The following CADM2 variants were observed in gnomAD, a reference collection of about 807,000 sequenced individuals.
CADM2 encodes the protein cell adhesion molecule 2.
In CADM2, 12 loss-of-function variants were observed where a neutral mutation model predicts 49.8. The observed-to-expected ratio is 0.24, with a 90% CI of 0.15 to 0.39. CADM2 has a LOEUF of 0.39. CADM2 is among the 10% of genes least tolerant of loss of function. CADM2 has a pLI of 1.00. For synonymous variants in CADM2, 214 were observed against 175.4 expected, an observed-to-expected ratio of 1.22 and a Z score of -1.74; for missense variants, 378 against 492.3, an observed-to-expected ratio of 0.77 and a Z score of 2.20.
At chr3:85,851,573 C>A (rs769707486) in intron 3 of CADM2, among the ~76,000 whole-genome samples, 6 of 150,118 alleles carry the variant, frequency 4.0e-5, no homozygotes, top group Non-Finnish European at 7.4e-5. Context: ...GAATTTAAGT[C>A]CGAGAATAAG....
At chr3:85,543,703 G>A (rs1339656127) in intron 1 of CADM2, among the ~76,000 whole-genome samples, 1 of 152,178 alleles carries the variant, frequency 6.6e-6, no homozygotes, top group African/African-American at 2.4e-5. Context: ...CTATGATCAA[G>A]GTGTTGGCAT....
intron 1 of CADM2, among the ~76,000 whole-genome samples, chr3:85,041,395 G>C (rs1044468310): frequency 6.6e-6 from 1 of 152,122 alleles, no homozygotes; most frequent in Admixed American, 6.6e-5. Context: ...TGCGTGGAGA[G>C]GGGGGCAAAG....
intron 3 of CADM2, among the ~76,000 whole-genome samples, chr3:85,817,854 G>C (rs138886575): frequency 6.8e-4 from 103 of 151,920 alleles, no homozygotes; most frequent in African/African-American, 2.4e-3. Context: ...TGAGGACAAT[G>C]AGTTTTGAAA....
chr3:86,018,366 G>A (rs1732608538), intron 8 of CADM2, among the ~76,000 whole-genome samples: 1 of 149,840 alleles, frequency 6.7e-6, no homozygotes, highest in Non-Finnish European at 1.5e-5. Flanking sequence ...ATAGCAGCAT[G>A]ATTTATAATC....
intron 1 of CADM2, among the ~76,000 whole-genome samples, chr3:84,994,813 T>C (rs868260732): frequency 2.0e-5 from 3 of 152,022 alleles, no homozygotes; most frequent in South Asian, 2.1e-4. Flanking sequence ...CAGATCACGA[T>C]GTCAGGAGTT....
chr3:85,090,942 G>T (rs769593412), intron 1 of CADM2, among the ~76,000 whole-genome samples: 2 of 152,146 alleles, frequency 1.3e-5, no homozygotes, highest in Non-Finnish European at 2.9e-5. Context: ...GTATCAAAAA[G>T]GTTGGGGACC....
chr3:85,494,063 A>G (rs2039785137), intron 1 of CADM2, among the ~76,000 whole-genome samples: 1 of 152,172 alleles, frequency 6.6e-6, no homozygotes, highest in African/African-American at 2.4e-5. Context: ...TGTTAAATGC[A>G]TCAAAAAATC....
chr3:85,190,851 T>G (rs951719378), intron 1 of CADM2, among the ~76,000 whole-genome samples: 2 of 152,170 alleles, frequency 1.3e-5, no homozygotes, highest in Non-Finnish European at 1.5e-5. Context: ...TAAAGTTTTC[T>G]TAATAAATGC....
At chr3:85,288,628 G>A (rs948499760) in intron 1 of CADM2, among the ~76,000 whole-genome samples, 1 of 152,044 alleles carries the variant, frequency 6.6e-6, no homozygotes, top group African/African-American at 2.4e-5. Flanking sequence ...GAAAATGGGA[G>A]TTGGCTCAGC....
chr3:85,501,073 C>G (rs919314079), intron 1 of CADM2, among the ~76,000 whole-genome samples: 5 of 152,052 alleles, frequency 3.3e-5, no homozygotes, highest in African/African-American at 9.7e-5. Flanking sequence ...ACGAATGTCA[C>G]CAGTTGTTTT....
intron 1 of CADM2, among the ~76,000 whole-genome samples, chr3:85,427,198 A>G (rs1037407809): frequency 1.3e-4 from 16 of 122,352 alleles, no homozygotes; most frequent in Non-Finnish European, 1.8e-4. Flanking sequence ...ATATATATAT[A>G]TATGTATAAT....
chr3:85,530,390 G>A (rs2061277167), intron 1 of CADM2, among the ~76,000 whole-genome samples: 2 of 138,668 alleles, frequency 1.4e-5, no homozygotes, highest in East Asian at 4.4e-4. Flanking sequence ...GAGTGCAGTG[G>A]CGCGATCTCG....
intron 1 of CADM2, among the ~76,000 whole-genome samples, chr3:85,349,711 A>G (rs995639288): frequency 1.3e-5 from 2 of 152,240 alleles, no homozygotes; most frequent in Admixed American, 6.5e-5. Context: ...TAAAACAAAG[A>G]TGAATGTTTT....
chr3:86,048,078 A>T (rs1559824104), intron 8 of CADM2, among the ~76,000 whole-genome samples: 2 of 152,160 alleles, frequency 1.3e-5, no homozygotes, highest in African/African-American at 4.8e-5. Context: ...TTAAAATAAT[A>T]TACCTGTTAA....
At chr3:85,578,198 T>A (rs1487186361) in intron 1 of CADM2, among the ~76,000 whole-genome samples, 1 of 152,058 alleles carries the variant, frequency 6.6e-6, no homozygotes, top group Non-Finnish European at 1.5e-5. Context: ...TTAATAGGTG[T>A]CATGTGATGA....
At chr3:86,046,175 C>T (rs367781761) in intron 8 of CADM2, among the ~76,000 whole-genome samples, 1 of 151,980 alleles carries the variant, frequency 6.6e-6, no homozygotes, top group Non-Finnish European at 1.5e-5. Flanking sequence ...TTTTATATAC[C>T]TAGTTAACCT....
At chr3:85,884,664 T>A (rs1367237672) in intron 4 of CADM2, among the ~76,000 whole-genome samples, 6 of 152,004 alleles carry the variant, frequency 3.9e-5, no homozygotes, top group African/African-American at 1.4e-4. Flanking sequence ...TTTTCATGTA[T>A]CTTTGTTGTT....
chr3:85,404,607 A>G (rs140979845), intron 1 of CADM2, among the ~76,000 whole-genome samples: 261 of 152,270 alleles, frequency 1.7e-3, no homozygotes, highest in African/African-American at 5.8e-3. Context: ...GACAATCCTA[A>G]CGGAAGGTAA....
At chr3:85,035,365 G>A (rs765091634) in intron 1 of CADM2, among the ~76,000 whole-genome samples, 5 of 151,864 alleles carry the variant, frequency 3.3e-5, no homozygotes, top group Admixed American at 6.6e-5. Flanking sequence ...CTCCCATTCC[G>A]CTGGCTGTCT....
Sources: allele counts gnomAD v4.1 joint callset (sites outside exome capture counted in the v4.1 genomes callset), GRCh38; gene constraint gnomAD v4.1.1; transcripts MANE v1.5; gene names NCBI Gene and HGNC (gene_info 2026-07-23, HGNC 2026-07-21).